Variants in TTLL13 observed in about 807,000 individuals in gnomAD.
The protein encoded by TTLL13 is tubulin tyrosine ligase like 13.
the TTLL13 span, chr15:90,257,087 G>C: frequency 7.0e-6 from 11 of 1,562,188 alleles, no homozygotes; most frequent in Non-Finnish European, 9.6e-6. Context: ...ACAGCACATA[G>C]TAGGCACTTC....
chr15:90,263,043 G>A, the TTLL13 span: 1 of 1,536,118 alleles, frequency 6.5e-7, no homozygotes, highest in Non-Finnish European at 8.7e-7. Flanking sequence ...TGAAGGCCCT[G>A]CTACAAAGGG....
chr15:90,255,793 C>G, the TTLL13 span: 2 of 1,614,154 alleles, frequency 1.2e-6, no homozygotes, highest in Non-Finnish European at 1.7e-6. Flanking sequence ...AAATCTGCCG[C>G]AAAGATCTGC....
At chr15:90,256,613 C>CT in the TTLL13 span, among the ~76,000 whole-genome samples, 428 of 48,274 alleles carry the variant, frequency 8.9e-3, 7 homozygotes, top group African/African-American at 0.045. Flanking sequence ...TTCTTTCCTT[C>CT]CTTCCTTCCT....
At chr15:90,252,325 C>T in the TTLL13 span, among the ~76,000 whole-genome samples, 4 of 152,244 alleles carry the variant, frequency 2.6e-5, no homozygotes, top group East Asian at 7.7e-4. Context: ...GCATGAGCCA[C>T]CATGCCCAGC....
the TTLL13 span, among the ~76,000 whole-genome samples, chr15:90,256,680 TTCTC>T: frequency 7.3e-5 from 11 of 151,016 alleles, 3 homozygotes; most frequent in South Asian, 2.1e-3. Context: ...TCTTCCTTCT[TTCTC>T]TCTACCTCTC....
At chr15:90,254,348 C>T in the TTLL13 span, among the ~76,000 whole-genome samples, 83 of 148,692 alleles carry the variant, frequency 5.6e-4, no homozygotes, top group African/African-American at 2.1e-3. Context: ...CAAAAATTAA[C>T]CAGGCATGGT....
chr15:90,257,629 T>C, the TTLL13 span: 1 of 1,613,862 alleles, frequency 6.2e-7, no homozygotes, highest in African/African-American at 1.3e-5. Flanking sequence ...GGGCCACTCT[T>C]TCCACAGGAC....
chr15:90,251,978 C>T, the TTLL13 span, among the ~76,000 whole-genome samples: 8 of 151,848 alleles, frequency 5.3e-5, no homozygotes, highest in Non-Finnish European at 1.0e-4. Context: ...GAGCTCAAGC[C>T]GTCTTCCTAT....
At chr15:90,255,858 T>TC in the TTLL13 span, 93 of 1,614,084 alleles carry the variant, frequency 5.8e-5, no homozygotes, top group East Asian at 1.9e-3. Flanking sequence ...TACAACATCT[T>TC]CCCCCGCACC....
chr15:90,260,093 G>A, the TTLL13 span, among the ~76,000 whole-genome samples: 2 of 152,216 alleles, frequency 1.3e-5, no homozygotes, highest in Non-Finnish European at 2.9e-5. Context: ...AGACTGGACT[G>A]TGTACCTGAG....
At chr15:90,265,210 CTCA>C in the TTLL13 span, 1 of 1,351,252 alleles carries the variant, frequency 7.4e-7, no homozygotes, top group Non-Finnish European at 9.6e-7. Context: ...CTCATTTCTG[CTCA>C]TCAAGCCTTA....
chr15:90,251,639 G>A, the TTLL13 span: 4 of 1,595,826 alleles, frequency 2.5e-6, no homozygotes, highest in Non-Finnish European at 3.4e-6. Context: ...ATAACATGGT[G>A]CCTACAGCTG....
the TTLL13 span, chr15:90,259,068 A>T: frequency 4.3e-5 from 64 of 1,476,474 alleles, no homozygotes; most frequent in African/African-American, 6.6e-4. Flanking sequence ...TATTTGCATT[A>T]AAAAAATCAC....
the TTLL13 span, among the ~76,000 whole-genome samples, chr15:90,261,012 G>C: frequency 1.3e-5 from 2 of 151,924 alleles, no homozygotes; most frequent in African/African-American, 4.8e-5. Context: ...TAAGATTATG[G>C]AAGGCTTTAT....
At chr15:90,257,726 C>T in the TTLL13 span, 10 of 1,613,474 alleles carry the variant, frequency 6.2e-6, no homozygotes, top group South Asian at 1.1e-5. Context: ...GTAAGAGGTA[C>T]TCCCTACTCT....
At chr15:90,261,141 C>T in the TTLL13 span, among the ~76,000 whole-genome samples, 15 of 149,768 alleles carry the variant, frequency 1.0e-4, no homozygotes, top group East Asian at 2.8e-3. Flanking sequence ...TGCAGTGCCA[C>T]GATCTTGGCT....
chr15:90,263,113 C>A, the TTLL13 span: 2 of 1,529,586 alleles, frequency 1.3e-6, no homozygotes, highest in South Asian at 1.2e-5. Flanking sequence ...GCACCCTGGC[C>A]CCCAGGGCCA....
the TTLL13 span, chr15:90,251,712 C>T: frequency 1.0e-4 from 117 of 1,118,142 alleles, no homozygotes; most frequent in Non-Finnish European, 1.5e-4. Context: ...GGCGGGCTTG[C>T]CTCTAACCTG....
the TTLL13 span, chr15:90,253,345 T>A: frequency 5.0e-6 from 8 of 1,612,628 alleles, no homozygotes; most frequent in Non-Finnish European, 6.8e-6. Flanking sequence ...CTGGAACGAG[T>A]CATGGACATG....
Sources: allele counts gnomAD v4.1 joint callset (sites outside exome capture counted in the v4.1 genomes callset), GRCh38; gene constraint gnomAD v4.1.1; transcripts MANE v1.5; gene names NCBI Gene and HGNC (gene_info 2026-07-23, HGNC 2026-07-21).